The following PRELID2 variants were observed in gnomAD, a reference collection of about 807,000 sequenced individuals.
PRELID2 encodes PRELI domain containing 2.
A neutral mutation model predicts 28.4 loss-of-function variants in PRELID2; 25 were observed. That is an observed-to-expected ratio of 0.88 (90% CI 0.64 to 1.23). The LOEUF is 1.23. Ranked by LOEUF, PRELID2 falls within the 50% of genes most tolerant of loss-of-function variation. The pLI, the probability that PRELID2 is intolerant of heterozygous loss-of-function variation, is 0.00. For missense variants in PRELID2, 201 were observed against 214.4 expected, an observed-to-expected ratio of 0.94 and a Z score of 0.39; for synonymous variants, 76 against 71.6, an observed-to-expected ratio of 1.06 and a Z score of -0.31.
At chr5:145,666,975 G>C (rs1229248225) in intron 1 of PRELID2, among the ~76,000 whole-genome samples, 1 of 152,068 alleles carries the variant, frequency 6.6e-6, no homozygotes, top group Non-Finnish European at 1.5e-5. Context: ...CAAAAGATAA[G>C]GGAGTTAAAA....
At chr5:145,335,832 C>A in the PRELID2 span, among the ~76,000 whole-genome samples, 1 of 152,254 alleles carries the variant, frequency 6.6e-6, no homozygotes, top group Non-Finnish European at 1.5e-5. Flanking sequence ...GTTCTAGATC[C>A]CTGAGGAATC....
the PRELID2 span, among the ~76,000 whole-genome samples, chr5:145,280,970 T>G: frequency 6.6e-6 from 1 of 152,092 alleles, no homozygotes; most frequent in African/African-American, 2.4e-5. Flanking sequence ...CCTGAGGTAT[T>G]TACCTTTAGG....
intron 1 of PRELID2, among the ~76,000 whole-genome samples, chr5:145,688,461 C>T (rs1287929989): frequency 6.6e-6 from 1 of 152,144 alleles, no homozygotes; most frequent in Non-Finnish European, 1.5e-5. Flanking sequence ...GAGTTCTAGG[C>T]ATTGCTCTCA....
intron 1 of PRELID2, among the ~76,000 whole-genome samples, chr5:145,489,871 T>C (rs1017307883): frequency 6.6e-6 from 1 of 152,202 alleles, no homozygotes; most frequent in African/African-American, 2.4e-5. Flanking sequence ...AATACATACA[T>C]TTATTTTTTC....
the PRELID2 span, among the ~76,000 whole-genome samples, chr5:145,370,507 C>A: frequency 6.6e-6 from 1 of 152,056 alleles, no homozygotes; most frequent in Admixed American, 6.6e-5. Flanking sequence ...CAGTACCATG[C>A]CGTTTTGGTT....
intron 1 of PRELID2, among the ~76,000 whole-genome samples, chr5:145,734,969 G>A (rs933080810): frequency 6.6e-6 from 1 of 152,282 alleles, no homozygotes; most frequent in East Asian, 1.9e-4. Context: ...AGCTACAGCT[G>A]GGCGCAGTGG....
intron 4 of PRELID2, among the ~76,000 whole-genome samples, chr5:145,814,434 G>C (rs1008769510): frequency 3.3e-5 from 5 of 152,072 alleles, no homozygotes; most frequent in Admixed American, 6.6e-5. Context: ...CTTATCATGA[G>C]AGAGACTAAG....
intron 1 of PRELID2, among the ~76,000 whole-genome samples, chr5:145,541,184 G>A (rs1184231699): frequency 2.6e-5 from 4 of 151,982 alleles, no homozygotes; most frequent in Non-Finnish European, 4.4e-5. Flanking sequence ...AGATTTCTAC[G>A]TTTTGACAGA....
intron 1 of PRELID2, among the ~76,000 whole-genome samples, chr5:145,748,314 A>C (rs1316176676): frequency 6.6e-6 from 1 of 151,384 alleles, no homozygotes; most frequent in Non-Finnish European, 1.5e-5. Context: ...AAAAATCACA[A>C]GCATTGCTTT....
At chr5:145,325,349 C>T in the PRELID2 span, among the ~76,000 whole-genome samples, 1 of 152,324 alleles carries the variant, frequency 6.6e-6, no homozygotes, top group East Asian at 1.9e-4. Flanking sequence ...AGTGCTACAA[C>T]ATCCTCCCTC....
At chr5:145,271,501 C>T in the PRELID2 span, among the ~76,000 whole-genome samples, 315 of 152,148 alleles carry the variant, frequency 2.1e-3, 9 homozygotes, top group East Asian at 0.052. Context: ...TAGGTGAGCC[C>T]CCATACTTGG....
At chr5:145,690,083 G>A (rs1186308108) in intron 1 of PRELID2, among the ~76,000 whole-genome samples, 1 of 142,454 alleles carries the variant, frequency 7.0e-6, no homozygotes, top group Admixed American at 7.4e-5. Flanking sequence ...TCCACCTCCC[G>A]AGCTCAAGCA....
the PRELID2 span, among the ~76,000 whole-genome samples, chr5:145,334,790 A>G: frequency 7.5e-6 from 1 of 132,572 alleles, no homozygotes; most frequent in African/African-American, 2.8e-5. Flanking sequence ...TTTTTTTTTC[A>G]CCACATTGGA....
intron 1 of PRELID2, among the ~76,000 whole-genome samples, chr5:145,583,814 T>G (rs1753128862): frequency 6.6e-6 from 1 of 152,034 alleles, no homozygotes. Context: ...GGAAAAACAT[T>G]CCATACTCAT....
At chr5:145,772,841 A>G (rs967960262) in intron 5 of PRELID2, among the ~76,000 whole-genome samples, 6 of 152,236 alleles carry the variant, frequency 3.9e-5, no homozygotes, top group African/African-American at 1.4e-4. Flanking sequence ...CCCAAACAAA[A>G]TAACATGAAT....
chr5:145,702,193 T>C (rs1755425457), intron 1 of PRELID2, among the ~76,000 whole-genome samples: 1 of 152,140 alleles, frequency 6.6e-6, no homozygotes, highest in Admixed American at 6.6e-5. Context: ...ATAAAAAGGA[T>C]ATTTTCATAA....
the PRELID2 span, among the ~76,000 whole-genome samples, chr5:145,327,253 TC>T: frequency 6.6e-6 from 1 of 152,136 alleles, no homozygotes; most frequent in Non-Finnish European, 1.5e-5. Context: ...GCTGATAATT[TC>T]CCTCTTTAAT....
At chr5:145,594,591 G>A (rs1753276728) in intron 1 of PRELID2, among the ~76,000 whole-genome samples, 1 of 151,890 alleles carries the variant, frequency 6.6e-6, no homozygotes, top group South Asian at 2.1e-4. Context: ...ACCAAAAATT[G>A]GAAATGACCT....
the PRELID2 span, among the ~76,000 whole-genome samples, chr5:145,330,003 G>A: frequency 3.3e-4 from 50 of 152,058 alleles, no homozygotes; most frequent in African/African-American, 1.0e-3. Flanking sequence ...GAATTTTATC[G>A]AAGGCCTTTT....
Sources: gnomAD v4.1 joint callset for allele counts (sites outside exome capture counted in the v4.1 genomes callset) on GRCh38, gnomAD v4.1.1 for gene constraint, MANE v1.5 for transcripts, NCBI Gene and HGNC (gene_info 2026-07-23, HGNC 2026-07-21) for gene names.